SPNS2: variants seen among roughly 807,000 people sequenced by gnomAD.
The protein encoded by SPNS2 is sphingosine-1-phosphate transporter SPNS2.
A neutral mutation model predicts 57.6 loss-of-function variants in SPNS2; 37 were observed. The ratio of observed to expected loss-of-function variants is 0.64; its 90% CI spans 0.49 to 0.85. SPNS2 has a LOEUF of 0.85. Ranked by LOEUF, SPNS2 falls within the 40% of genes least tolerant of loss-of-function variation. The pLI, the probability that SPNS2 is intolerant of heterozygous loss-of-function variation, is 0.00. For missense variants in SPNS2, 831 were observed against 779.1 expected (o/e 1.07, Z -0.79); for synonymous variants, 440 against 346.9 (o/e 1.27, Z -2.98).
rs1174627069 is a variant in SPNS2, at chr17:4,536,357, T to C, written c.1538T>C (p.Val513Ala). ...CTCATGCTCTGCCCTTTCGTCGTGG[T>C]CCTGGGCGGCATGTTCTTCCTCGCC... ...YALMLCPFVV[V>A]LGGMFFLATA... is the part of the protein sequence containing the mutation. The change falls in exon 11 of 13, where the codon GTC becomes GCC. Residue 513 changes from valine to alanine, a missense_variant. Coordinates refer to ENST00000329078, the MANE Select transcript of SPNS2 (RefSeq NM_001124758.3). 1 of 1,610,602 alleles carries C rather than the reference T, an allele frequency of 6.2e-7. No individual in the cohort carries two copies. The highest frequency in any genetic ancestry group is 1.7e-5 in the Admixed American group (1 of 60,016).
chr17:4,499,079 C>G lies in SPNS2; in HGVS notation c.32C>G (p.Ala11Gly). The G allele has an allele frequency of 9.7e-7, 1 of 1,033,926 alleles. No homozygotes were observed. Among genetic ancestry groups the G allele is most frequent in the Non-Finnish European group, 1.2e-6 (1 of 863,862 alleles). The allele number at this position is 1,033,926 out of a possible 1,614,324, so 64.0% of individuals were successfully genotyped here. A position where few individuals can be genotyped will look rare whatever the true frequency, so the allele number is the denominator to read the frequency against. Residue 11 changes from alanine to glycine, a missense_variant, in exon 1 of 13, where the codon GCG (alanine) becomes GGG (glycine). Ala to Gly is a moderately conservative substitution (Grantham distance 60, BLOSUM62 0). Transcript: ENST00000329078. The surrounding 1 kb of genome is among the most constrained non-coding windows in gnomAD (Gnocchi z 5.2). The stretch of plus-strand genomic sequence containing the variant: ...TGCCTGGAATGCGCCTCGGCGGCGG[C>G]GGGCGGCGCGGAGGAGGAGGAGGCG... MMCLECASAAAGGAEEEEADA... is the reference protein window; with the variant it reads MMCLECASAAGGGAEEEEADA...
chr17:4,529,969 G>A (rs1436164715), intron 3 of SPNS2, among the ~76,000 whole-genome samples: 1 of 152,212 alleles, frequency 6.6e-6, no homozygotes, highest in Non-Finnish European at 1.5e-5. Context: ...GGTGGGGCTG[G>A]GGAAAGATGA....
chr17:4,533,533 C>A, intron 8 of SPNS2, 101 bp downstream of exon 8: 2 of 1,287,102 alleles, frequency 1.6e-6, no homozygotes, highest in East Asian at 2.5e-5. Flanking sequence ...GTTCCCTTCC[C>A]TCGGGGAGGC....
At chr17:4,513,134 G>A in intron 1 of SPNS2, 113 bp from the exon 2 acceptor site, 2 of 1,173,674 alleles carry the variant, frequency 1.7e-6, no homozygotes, top group African/African-American at 1.5e-5. Flanking sequence ...CAGAGCAGGA[G>A]TGCCGCAGAT....
intron 5 of SPNS2, among the ~76,000 whole-genome samples, chr17:4,531,919 C>A (rs1342471455): frequency 6.6e-6 from 1 of 152,136 alleles, no homozygotes; most frequent in Admixed American, 6.5e-5. Flanking sequence ...CTCTGTGGGG[C>A]CTGCATCGGG....
Position 4,536,229 on chromosome 17 carries a change from C to T in SPNS2, c.1444-34C>T, listed in dbSNP as rs752093695. 2.5e-6 allele frequency: 4 copies of T among 1,609,328 alleles called. No homozygotes were observed. In the East Asian group the frequency reaches 8.9e-5, roughly 36 times the overall value. On this transcript the variant is annotated intron_variant, in intron 10 of 12. Coordinates refer to ENST00000329078, the MANE Select transcript of SPNS2 (RefSeq NM_001124758.3). ...GGCAGGCTGGGGGACTGCAGGAGGG[C>T]TCTGCCCTGACATCCACCCCCAAAT...
At position 4,512,507 on chromosome 17, in the gene SPNS2, G is replaced by A. The variant is rs1408224886; in HGVS notation, c.371-740G>A. Among the ~76,000 whole-genome samples, 2 of 152,060 alleles carry A rather than the reference G, an allele frequency of 1.3e-5. No individual in the cohort carries two copies. Among genetic ancestry groups the A allele is most frequent in the Non-Finnish European group, 2.9e-5 (2 of 67,994 alleles). On this transcript the variant is annotated intron_variant, in intron 1 of 12. Coordinates refer to ENST00000329078, the MANE Select transcript of SPNS2 (RefSeq NM_001124758.3). The surrounding 1 kb of genome is among the most constrained non-coding windows in gnomAD (Gnocchi z 5.2). ...GTAGTTGGGCTTGGAAGCGGGTGTG[G>A]CCTCAAGAAATCCACTTCTCCCAAG...
In SPNS2 at chr17:4,499,116, G is replaced by A; in HGVS notation, c.69G>A (p.Arg23=). 1 of 1,107,368 alleles carries A rather than the reference G, an allele frequency of 9.0e-7. No individual in the cohort carries two copies. The highest frequency in any genetic ancestry group is 1.1e-6 in the Non-Finnish European group (1 of 908,456). The allele number at this position is 1,107,368 out of a possible 1,614,324, so 68.6% of individuals were successfully genotyped here. A position where few individuals can be genotyped will look rare whatever the true frequency, so the allele number is the denominator to read the frequency against. ...AGGAGGAGGAGGCGGACGCGGAGCG[G>A]CGGCGCCGGCGCCGGGGGGCGCAGC... The part of the protein sequence containing the change: ...GAEEEEADAE[R]RRRRRGAQRG... The change falls in exon 1 of 13, where the codon CGG becomes CGA. Residue 23 remains arginine (R), a synonymous_variant. Transcript: ENST00000329078. The surrounding 1 kb of genome is among the most constrained non-coding windows in gnomAD (Gnocchi z 5.2).
chr17:4,499,416 AG>A lies in SPNS2; in HGVS notation c.370+1del. ...LNYLDRYTVAGVLLDIQQHFG... is the reference protein window; with the variant it reads ...LNYLDRYTVAXVLLDIQQHFG... ...ACTACCTGGACAGGTACACCGTGGC[AG>A]GTGAGCGAGTGCCCCACCCAGCCCG... On this transcript the variant is annotated frameshift_variant and splice_region_variant, in exon 1 of 13. Transcript: ENST00000329078. LOFTEE classifies it high-confidence loss of function. This position sits in a 1 kb window ranked among gnomAD's most constrained non-coding sequence, Gnocchi z 5.2. 7.5e-7 allele frequency: 1 copy of A among 1,327,494 alleles called. No individual in the cohort carries two copies. Among genetic ancestry groups the A allele is most frequent in the Non-Finnish European group, 9.6e-7 (1 of 1,036,492 alleles). 82.2% of individuals were successfully genotyped at this position (1,327,494 alleles called of 1,614,324 possible).
chr17:4,516,316 C>CAAAAAAAAAAAAA lies in SPNS2; in HGVS notation c.436+3019_436+3031dup, dbSNP rs67710825. On this transcript the variant is annotated intron_variant, in intron 2 of 12. Coordinates refer to ENST00000329078, the MANE Select transcript of SPNS2 (RefSeq NM_001124758.3). ...GTGACAGAGTGAGACTCTATCTCCC[C>CAAAAAAAAAAAAA]AAAAAAAAAAAAAAAAAAAAAAAAA... is the stretch of plus-strand genomic sequence containing the variant. 1.8e-4 allele frequency among the ~76,000 whole-genome samples: 12 copies of CAAAAAAAAAAAAA among 67,508 alleles called. 1 individual carries two copies. The highest frequency in any genetic ancestry group is 8.9e-4 in the African/African-American group (12 of 13,458). 44.3% of individuals were successfully genotyped at this position (67,508 alleles called of 152,430 possible).
chr17:4,516,021 A>G (rs531843851), intron 2 of SPNS2, among the ~76,000 whole-genome samples: 16 of 152,342 alleles, frequency 1.1e-4, no homozygotes, highest in Admixed American at 3.3e-4. Flanking sequence ...CAGCAGAATT[A>G]CAGCTCATAG....
At chr17:4,517,184 A>T (rs571454006) in intron 2 of SPNS2, among the ~76,000 whole-genome samples, 1 of 152,246 alleles carries the variant, frequency 6.6e-6, no homozygotes, top group East Asian at 1.9e-4. Flanking sequence ...GGCGCTGGCT[A>T]GTTCCAGCCC....
At chr17:4,532,894 C>A in intron 6 of SPNS2, 83 bp from the exon 7 acceptor site, 1 of 1,528,216 alleles carries the variant, frequency 6.5e-7, no homozygotes, top group Non-Finnish European at 8.8e-7. Context: ...ATTTGGGGGC[C>A]TCCTGTTCCC....
intron 12 of SPNS2, 87 bp from the exon 13 acceptor site, chr17:4,537,366 C>T (rs1905906233): frequency 5.1e-6 from 2 of 395,682 alleles, no homozygotes; most frequent in East Asian, 1.4e-4. Flanking sequence ...CTTGCGTCTC[C>T]AAACAGCAAG....
chr17:4,506,286 G>T (rs1904676094), intron 1 of SPNS2, among the ~76,000 whole-genome samples: 1 of 152,142 alleles, frequency 6.6e-6, no homozygotes, highest in African/African-American at 2.4e-5. Flanking sequence ...GGGCTTGAGG[G>T]GAGCCATTCT....
chr17:4,516,630 C>T (rs1001927252), intron 2 of SPNS2, among the ~76,000 whole-genome samples: 3 of 152,222 alleles, frequency 2.0e-5, no homozygotes, highest in Admixed American at 6.5e-5. Flanking sequence ...GAGGAGGAGA[C>T]GTTTGAATGG....
chr17:4,501,184 G>C (rs1293735911), intron 1 of SPNS2, among the ~76,000 whole-genome samples: 1 of 152,172 alleles, frequency 6.6e-6, no homozygotes, highest in African/African-American at 2.4e-5. Flanking sequence ...CCTGGGAGGA[G>C]GTCTTCCCAC....
chr17:4,525,082 T>A lies in SPNS2; in HGVS notation c.462T>A (p.Ala154=), dbSNP rs150893268. 1 of 1,614,104 alleles carries A rather than the reference T, an allele frequency of 6.2e-7. No individual in the cohort carries two copies. Among genetic ancestry groups the A allele is most frequent in the East Asian group, 2.2e-5 (1 of 44,890 alleles). Reference sequence around the variant, plus strand: ...TGTTCATCTGTAGCTTCATGGTGGCTGCCCCCATCTTCGGCTACCTGGGCG... The same window carrying A: ...TGTTCATCTGTAGCTTCATGGTGGCAGCCCCCATCTTCGGCTACCTGGGCG... ...QSVFICSFMV[A]APIFGYLGDR... The change falls in exon 3 of 13, where the codon GCT becomes GCA. Residue 154 remains alanine (A), a synonymous_variant. Transcript: ENST00000329078.
chr17:4,520,525 C>T (rs1008880186), intron 2 of SPNS2, among the ~76,000 whole-genome samples: 5 of 152,086 alleles, frequency 3.3e-5, no homozygotes, highest in Non-Finnish European at 5.9e-5. Flanking sequence ...GGTTCTCTGC[C>T]GCCTTCTAAA....
Sources: allele counts gnomAD v4.1 joint callset (sites outside exome capture counted in the v4.1 genomes callset), GRCh38; gene constraint gnomAD v4.1.1; non-coding constraint Gnocchi (gnomAD v3.1); transcripts MANE v1.5; gene names NCBI Gene and HGNC (gene_info 2026-07-23, HGNC 2026-07-21).